Variants in MDH2 observed in about 807,000 individuals in gnomAD.
The protein encoded by MDH2 is malate dehydrogenase 2, also known as malate dehydrogenase, mitochondrial.
In MDH2, 25 loss-of-function variants were observed where a neutral mutation model predicts 33.6. The ratio of observed to expected loss-of-function variants is 0.74; its 90% CI spans 0.54 to 1.04. The LOEUF is 1.04. MDH2 is among the 50% of genes least tolerant of loss of function. MDH2 has a pLI of 0.00. For synonymous variants in MDH2, 193 were observed against 188.7 expected (o/e 1.02, Z -0.19); for missense variants, 432 against 445.0 (o/e 0.97, Z 0.26).
chr7:76,059,731 G>A (rs527978333), intron 4 of MDH2, among the ~76,000 whole-genome samples: 3 of 152,172 alleles, frequency 2.0e-5, no homozygotes, highest in Admixed American at 6.5e-5. Flanking sequence ...AGGGTCCTGC[G>A]TTCCCCAGAA....
At chr7:76,058,583 A>G (rs1003598956) in intron 4 of MDH2, among the ~76,000 whole-genome samples, 7 of 152,272 alleles carry the variant, frequency 4.6e-5, no homozygotes, top group East Asian at 1.9e-4. Context: ...AACTAGGCAC[A>G]GTAAGAGATT....
At chr7:76,065,223 C>G (rs1000508623) in intron 8 of MDH2, 1 of 338,854 alleles carries the variant, frequency 3.0e-6, no homozygotes, top group Admixed American at 4.4e-5. Flanking sequence ...TGATAAGACA[C>G]TCCATCTCCA....
chr7:76,054,084 G>A (rs116839932), intron 1 of MDH2, among the ~76,000 whole-genome samples: 6,706 of 152,262 alleles, frequency 0.044, 187 homozygotes, highest in Middle Eastern at 0.078. Context: ...GCCCCATCCC[G>A]CTTCCAGGAG....
At chr7:76,052,465 C>G (rs1554585615) in intron 1 of MDH2, among the ~76,000 whole-genome samples, 4 of 147,946 alleles carry the variant, frequency 2.7e-5, no homozygotes, top group African/African-American at 5.0e-5. Flanking sequence ...ACACTCATTG[C>G]AGCAGTTTCA....
intron 1 of MDH2, chr7:76,048,749 AGACGGC>A: frequency 8.1e-7 from 1 of 1,230,792 alleles, no homozygotes; most frequent in Admixed American, 4.2e-5. Context: ...TCTGACCTGA[AGACGGC>A]TTCCTCTTAA....
At chr7:76,050,484 G>C (rs1461323630) in intron 1 of MDH2, among the ~76,000 whole-genome samples, 1 of 152,326 alleles carries the variant, frequency 6.6e-6, no homozygotes, top group Non-Finnish European at 1.5e-5. Flanking sequence ...GAGAAGCATG[G>C]GGCATGCCTT....
chr7:76,059,637 A>G lies in MDH2; in HGVS notation c.430-736A>G, dbSNP rs1161491006. On this transcript the variant is annotated intron_variant, in intron 4 of 8. Transcript: ENST00000315758. ...TCCTGGTGTCTGAGGATGAGGATCAATTGGGGTGAAGGGGCAGGGACCATG... is the reference window on the plus strand; with the variant it reads ...TCCTGGTGTCTGAGGATGAGGATCAGTTGGGGTGAAGGGGCAGGGACCATG... Among the ~76,000 whole-genome samples the G allele has an allele frequency of 5.3e-5, 8 of 152,118 alleles. No individual in the cohort carries two copies. The South Asian group carries it at 6.2e-4, about 12-fold the overall frequency.
intron 1 of MDH2, chr7:76,048,612 C>T: frequency 7.8e-7 from 1 of 1,288,130 alleles, no homozygotes. Context: ...CTCCTTGCAG[C>T]ATCCGTGTGA....
intron 2 of MDH2, 111 bp downstream of exon 2, chr7:76,055,109 CTG>C: frequency 7.9e-7 from 1 of 1,270,668 alleles, no homozygotes; most frequent in East Asian, 2.6e-5. Flanking sequence ...GGGGGTTTCT[CTG>C]TTTTAAATTT....
At chr7:76,049,057 C>T (rs1797490971) in intron 1 of MDH2, 2 of 981,446 alleles carry the variant, frequency 2.0e-6, no homozygotes, top group Non-Finnish European at 2.4e-6. Flanking sequence ...AGGAGGTGCT[C>T]GCATTGCCTT....
At position 76,054,838 on chromosome 7, in the gene MDH2, T is replaced by C; in HGVS notation, c.75T>C (p.Ala25=). The change falls in exon 2 of 9, where the codon GCT becomes GCC. Residue 25 remains alanine, a synonymous_variant. Coordinates refer to ENST00000315758, the MANE Select transcript of MDH2 (RefSeq NM_005918.4). ...TCTGTGCCTCTTTTTAGAACAATGC[T>C]AAAGTAGCTGTGCTAGGGGCCTCTG... ...RSFSTSAQNN[A]KVAVLGASGG... is the part of the protein sequence containing the mutation. The C allele has an allele frequency of 1.9e-6, 3 of 1,614,026 alleles. No individual in the cohort carries two copies. The highest frequency in any genetic ancestry group is 1.1e-5 in the South Asian group (1 of 91,050).
Position 76,064,902 on chromosome 7 carries a change from T to TA in MDH2, c.836dup (p.Ser280ValfsTer33). 1 of 1,614,190 alleles carries TA rather than the reference T, an allele frequency of 6.2e-7. No individual in the cohort carries two copies. Among genetic ancestry groups the TA allele is most frequent in the African/African-American group, 1.3e-5 (1 of 75,052 alleles). The stretch of plus-strand genomic sequence containing the variant: ...AAGGTGTTGTGGAATGTTCCTTCGT[T>TA]AAGTCACAGGAAACGGAATGTACCT... On this transcript the variant is annotated frameshift_variant, in exon 8 of 9. Coordinates refer to ENST00000315758, the MANE Select transcript of MDH2 (RefSeq NM_005918.4). LOFTEE classifies it high-confidence loss of function.
intron 1 of MDH2, among the ~76,000 whole-genome samples, chr7:76,053,032 C>T (rs1797669840): frequency 6.6e-6 from 1 of 152,070 alleles, no homozygotes; most frequent in African/African-American, 2.4e-5. Flanking sequence ...ATGATTAAGA[C>T]TTTGATTTTG....
chr7:76,066,224 C>G (rs1798092692), intron 8 of MDH2, 55 bp from the exon 9 acceptor site: 1 of 1,586,320 alleles, frequency 6.3e-7, no homozygotes, highest in Non-Finnish European at 8.6e-7. Flanking sequence ...GTCGGGGTTT[C>G]TCTAACAAGC....
chr7:76,049,270 A>G (rs748654551), intron 1 of MDH2, among the ~76,000 whole-genome samples: 55 of 152,170 alleles, frequency 3.6e-4, no homozygotes, highest in Non-Finnish European at 6.8e-4. Flanking sequence ...TCAACTTGCA[A>G]TGGGTTCCCA....
chr7:76,050,705 G>C (rs1164813048), intron 1 of MDH2, among the ~76,000 whole-genome samples: 1 of 152,156 alleles, frequency 6.6e-6, no homozygotes, highest in African/African-American at 2.4e-5. Flanking sequence ...TTATCTAGGT[G>C]CAGGTGGTAA....
At chr7:76,056,206 T>C (rs1160744652) in intron 2 of MDH2, among the ~76,000 whole-genome samples, 1 of 152,242 alleles carries the variant, frequency 6.6e-6, no homozygotes, top group Non-Finnish European at 1.5e-5. Context: ...GGCTGTTTCC[T>C]GTTTGCTTCT....
rs782729848 is a variant in MDH2 at position 76,066,455 on chromosome 7, A to G, written c.*45A>G. ...AGTTTCCTTAATTTATGAAGGCATC[A>G]TGTCACTGCAAAGCCGTTGCAGATA... On this transcript the variant is annotated 3_prime_UTR_variant, in exon 9 of 9. Transcript: ENST00000315758. The G allele has an allele frequency of 1.9e-6, 3 of 1,580,174 alleles. No homozygotes were observed. Among genetic ancestry groups the G allele is most frequent in the Non-Finnish European group, 1.7e-6 (2 of 1,162,702 alleles).
At chr7:76,048,317 G>A in intron 1 of MDH2, 91 bp downstream of exon 1, 2 of 1,463,050 alleles carry the variant, frequency 1.4e-6, no homozygotes, top group Non-Finnish European at 1.8e-6. Context: ...ACCCTCTCCA[G>A]GCCAGCCTGG....
Sources: allele counts gnomAD v4.1 joint callset (sites outside exome capture counted in the v4.1 genomes callset), GRCh38; gene constraint gnomAD v4.1.1; transcripts MANE v1.5; gene names NCBI Gene and HGNC (gene_info 2026-07-23, HGNC 2026-07-21).